RPTOR: variants seen among roughly 807,000 people sequenced by gnomAD.
RPTOR encodes regulatory associated protein of MTOR complex 1, also known as regulatory-associated protein of mTOR.
A neutral mutation model predicts 169.9 loss-of-function variants in RPTOR; 21 were observed. The observed-to-expected ratio is 0.12, with a 90% CI of 0.09 to 0.18. RPTOR has a LOEUF of 0.18. Ranked by LOEUF, RPTOR falls within the 10% of genes least tolerant of loss-of-function variation. The probability of loss-of-function intolerance (pLI) is 1.00; values close to 1 mark genes in which losing one functional copy is unlikely to be tolerated. For missense variants in RPTOR, 1,133 were observed against 1,855.9 expected (o/e 0.61, Z 7.16); for synonymous variants, 732 against 753.2 (o/e 0.97, Z 0.46).
intron 3 of RPTOR, among the ~76,000 whole-genome samples, chr17:80,701,214 C>CTG: frequency 6.6e-6 from 1 of 152,280 alleles, no homozygotes; most frequent in Middle Eastern, 3.4e-3. Flanking sequence ...GGAACAAATG[C>CTG]TGTGAAGTCT....
chr17:80,641,654 A>AGT (rs1323459468), intron 2 of RPTOR, among the ~76,000 whole-genome samples: 12 of 152,240 alleles, frequency 7.9e-5, no homozygotes, highest in African/African-American at 2.9e-4. Context: ...TAGTCTGTGA[A>AGT]GTGTGCAGTA....
intron 31 of RPTOR, chr17:80,961,765 C>T (rs1266639358): frequency 5.0e-6 from 2 of 401,026 alleles, no homozygotes; most frequent in African/African-American, 2.0e-5. Context: ...TGCTCTCCCT[C>T]CACGGGCAGG....
chr17:80,599,146 C>T (rs141336467), intron 1 of RPTOR, among the ~76,000 whole-genome samples: 1 of 152,268 alleles, frequency 6.6e-6, no homozygotes, highest in African/African-American at 2.4e-5. Context: ...CCCGTTGAAT[C>T]TGGGCTGACT....
intron 3 of RPTOR, among the ~76,000 whole-genome samples, chr17:80,697,174 G>T (rs560881116): frequency 6.6e-6 from 1 of 152,292 alleles, no homozygotes; most frequent in Admixed American, 6.5e-5. Context: ...GGGGACATGG[G>T]GGCGGTCCCC....
chr17:80,872,791 G>C (rs2068065838), intron 13 of RPTOR, among the ~76,000 whole-genome samples: 1 of 152,224 alleles, frequency 6.6e-6, no homozygotes, highest in Non-Finnish European at 1.5e-5. Context: ...GGCACAACGG[G>C]GCCCTGGCAG....
intron 3 of RPTOR, among the ~76,000 whole-genome samples, chr17:80,674,724 C>T (rs1390331826): frequency 7.2e-6 from 1 of 139,284 alleles, no homozygotes; most frequent in Non-Finnish European, 1.5e-5. Context: ...GGAGGCGAAG[C>T]TTTCAGTGAG....
rs2067186356 is a variant in RPTOR, at chr17:80,803,647, A to T, written c.890+12138A>T. 1.3e-5 allele frequency: 2 copies of T among 152,132 alleles called. No individual in the cohort carries two copies. Among genetic ancestry groups the T allele is most frequent in the Admixed American group, 1.3e-4 (2 of 15,274 alleles). The allele number at this position is 152,132 out of a possible 1,614,324, so 9.4% of individuals were successfully genotyped here. On this transcript the variant is annotated intron_variant, in intron 7 of 33. Transcript: ENST00000306801. The surrounding 1 kb of genome is among the most constrained non-coding windows in gnomAD (Gnocchi z 6.2). ...TGTTTCTCAGCACGTTTGTTCATTC[A>T]CCGTTCATTCAGCAGACATCTGCTG...
chr17:80,758,305 G>A (rs910744995), intron 6 of RPTOR, among the ~76,000 whole-genome samples: 1 of 152,196 alleles, frequency 6.6e-6, no homozygotes, highest in African/African-American at 2.4e-5. Flanking sequence ...AAGCTGCTTG[G>A]AGGAGGTGGA....
rs116036078 is a variant in RPTOR, at chr17:80,754,933, C to G, written c.830+748C>G. ...GTGCAGCAGACACCGTGCTGTCGGC[C>G]GAGGACACTCTTGAGGCTTCTGTCA... On this transcript the variant is annotated intron_variant, in intron 6 of 33. Transcript: ENST00000306801. The surrounding 1 kb of genome is among the most constrained non-coding windows in gnomAD (Gnocchi z 4.2). 6.6e-6 allele frequency among the ~76,000 whole-genome samples: 1 copy of G among 152,142 alleles called. No individual in the cohort carries two copies. The highest frequency in any genetic ancestry group is 2.4e-5 in the African/African-American group (1 of 41,424).
intron 1 of RPTOR, among the ~76,000 whole-genome samples, chr17:80,607,709 G>C (rs1265990986): frequency 1.3e-5 from 2 of 151,792 alleles, no homozygotes; most frequent in Non-Finnish European, 2.9e-5. Flanking sequence ...TTAGCACTGG[G>C]TGCTGCAGGA....
intron 6 of RPTOR, among the ~76,000 whole-genome samples, chr17:80,786,719 C>T (rs2066996137): frequency 6.6e-6 from 1 of 152,228 alleles, no homozygotes; most frequent in Non-Finnish European, 1.5e-5. Flanking sequence ...ACTCAGCTGC[C>T]TGTCACAAGA....
chr17:80,710,610 TGTTA>T (rs2066181383), intron 4 of RPTOR, among the ~76,000 whole-genome samples: 1 of 149,890 alleles, frequency 6.7e-6, no homozygotes, highest in Non-Finnish European at 1.5e-5. Flanking sequence ...TGTGTGTGTG[TGTTA>T]AAGTGGTCAC....
At position 80,893,850 on chromosome 17, in the gene RPTOR, C is replaced by A; in HGVS notation, c.2386C>A (p.Leu796Ile). ...GCGCCGCGCCAGCTCCTACTCCTCC[C>A]TCAACTCCCTCATCGGTGAGTCCGC... The part of the protein sequence containing the change: ...KMRRASSYSS[L>I]NSLIGVSFNS... Residue 796 changes from leucine to isoleucine, a missense_variant, in exon 20 of 34, where the codon CTC becomes ATC. Transcript: ENST00000306801. 6.6e-7 allele frequency: 1 copy of A among 1,521,342 alleles called. No homozygotes were observed. Among genetic ancestry groups the A allele is most frequent in the Non-Finnish European group, 8.8e-7 (1 of 1,132,872 alleles). 94.2% of individuals were successfully genotyped at this position (1,521,342 alleles called of 1,614,324 possible).
chr17:80,626,063 T>A (rs2065391895), intron 2 of RPTOR, among the ~76,000 whole-genome samples: 1 of 152,128 alleles, frequency 6.6e-6, no homozygotes, highest in Admixed American at 6.5e-5. Flanking sequence ...TTATTATTAT[T>A]ATTTTTTTGA....
chr17:80,758,910 T>C (rs886695700), intron 6 of RPTOR, among the ~76,000 whole-genome samples: 8 of 151,474 alleles, frequency 5.3e-5, no homozygotes, highest in Non-Finnish European at 1.0e-4. Flanking sequence ...ATGACATCGC[T>C]ACCTTCCTGT....
intron 3 of RPTOR, among the ~76,000 whole-genome samples, chr17:80,685,944 G>A (rs1345914203): frequency 1.3e-5 from 2 of 151,828 alleles, no homozygotes; most frequent in South Asian, 2.1e-4. Context: ...CAGTGTTGGT[G>A]GCCTCTGCAG....
chr17:80,737,439 G>A (rs550184882), intron 5 of RPTOR, among the ~76,000 whole-genome samples: 2 of 152,192 alleles, frequency 1.3e-5, no homozygotes, highest in African/African-American at 2.4e-5. Context: ...AGTGCTTTCC[G>A]GCAGGGGGGC....
intron 5 of RPTOR, among the ~76,000 whole-genome samples, chr17:80,731,475 C>T (rs770822737): frequency 6.6e-6 from 1 of 152,044 alleles, no homozygotes; most frequent in Non-Finnish European, 1.5e-5. Flanking sequence ...ACTGTTGTAG[C>T]GCCCACTTCA....
intron 1 of RPTOR, among the ~76,000 whole-genome samples, chr17:80,589,812 A>G (rs2065090181): frequency 6.6e-6 from 1 of 152,158 alleles, no homozygotes. Flanking sequence ...GAATATTCAC[A>G]TATTTATTTG....
Sources: allele counts gnomAD v4.1 joint callset (sites outside exome capture counted in the v4.1 genomes callset), GRCh38; gene constraint gnomAD v4.1.1; non-coding constraint Gnocchi (gnomAD v3.1); transcripts MANE v1.5; gene names NCBI Gene and HGNC (gene_info 2026-07-23, HGNC 2026-07-21).